The following SMCO2 variants were observed in gnomAD, a reference collection of about 807,000 sequenced individuals.
SMCO2 encodes the protein single-pass membrane and coiled-coil domain-containing protein 2.
A neutral mutation model predicts 29.5 loss-of-function variants in SMCO2; 25 were observed. The observed-to-expected ratio is 0.85, with a 90% CI of 0.62 to 1.18. SMCO2 has a LOEUF of 1.18. Among genes scored for constraint, SMCO2 ranks in the 50% most tolerant of loss-of-function variants. The pLI is 0.00. For missense variants in SMCO2, 348 were observed against 344.5 expected (o/e 1.01, Z -0.08); for synonymous variants, 117 against 123.3 (o/e 0.95, Z 0.34).
At chr12:27,492,346 T>C (rs979812371) in intron 5 of SMCO2, among the ~76,000 whole-genome samples, 1 of 152,212 alleles carries the variant, frequency 6.6e-6, no homozygotes, top group African/African-American at 2.4e-5. Flanking sequence ...TGTTTGCCGT[T>C]ACAAACTATG....
chr12:27,485,450 GTT>G (rs142312125), intron 4 of SMCO2, among the ~76,000 whole-genome samples: 27 of 132,012 alleles, frequency 2.0e-4, no homozygotes, highest in Admixed American at 3.0e-4. Flanking sequence ...ATTTTTTTAA[GTT>G]TTTTTTTTTT....
the SMCO2 span, among the ~76,000 whole-genome samples, chr12:27,457,679 C>T: frequency 2.0e-5 from 3 of 152,226 alleles, no homozygotes; most frequent in African/African-American, 7.2e-5. Flanking sequence ...CATGTCAATG[C>T]TAGACACATC....
chr12:27,434,928 G>T, the SMCO2 span, among the ~76,000 whole-genome samples: 2 of 152,116 alleles, frequency 1.3e-5, no homozygotes, highest in East Asian at 1.9e-4. Context: ...GCCATGGAAG[G>T]TTCCACTCAC....
the SMCO2 span, among the ~76,000 whole-genome samples, chr12:27,436,779 A>G: frequency 6.6e-6 from 1 of 152,214 alleles, no homozygotes; most frequent in African/African-American, 2.4e-5. Context: ...AGGTGGTAAG[A>G]TAGTGCCCCT....
the SMCO2 span, among the ~76,000 whole-genome samples, chr12:27,442,503 G>A: frequency 6.6e-6 from 1 of 152,100 alleles, no homozygotes; most frequent in African/African-American, 2.4e-5. Flanking sequence ...GAACCATGAA[G>A]AAATAGAAAA....
chr12:27,434,393 G>T, the SMCO2 span, among the ~76,000 whole-genome samples: 3 of 152,150 alleles, frequency 2.0e-5, no homozygotes, highest in African/African-American at 7.2e-5. Context: ...ATCTAGACTT[G>T]TTGAGGCTTC....
the SMCO2 span, among the ~76,000 whole-genome samples, chr12:27,427,567 T>C: frequency 6.6e-6 from 1 of 152,148 alleles, no homozygotes; most frequent in Admixed American, 6.5e-5. Flanking sequence ...TTAATTCTGA[T>C]TAAATACATT....
chr12:27,487,952 T>C (rs1949703668), intron 4 of SMCO2, among the ~76,000 whole-genome samples: 1 of 152,000 alleles, frequency 6.6e-6, no homozygotes, highest in African/African-American at 2.4e-5. Context: ...AATGTTGAGC[T>C]TTTTTTGAGA....
At chr12:27,473,027 G>A in intron 3 of SMCO2, 152 bp downstream of exon 3, 1 of 613,780 alleles carries the variant, frequency 1.6e-6, no homozygotes, top group Admixed American at 2.9e-5. Flanking sequence ...TCAGGAGGGA[G>A]GCAGGGAATA....
the SMCO2 span, among the ~76,000 whole-genome samples, chr12:27,435,423 T>A: frequency 4.6e-5 from 7 of 151,362 alleles, no homozygotes; most frequent in African/African-American, 1.5e-4. Flanking sequence ...GAGGTAGTTT[T>A]CCTTTCTTTC....
chr12:27,434,063 TAG>T, the SMCO2 span, among the ~76,000 whole-genome samples: 1 of 152,162 alleles, frequency 6.6e-6, no homozygotes, highest in African/African-American at 2.4e-5. Context: ...GAACAACCAT[TAG>T]AGAGTAACAT....
upstream of SMCO2, among the ~76,000 whole-genome samples, chr12:27,465,353 A>AT (rs907721399): frequency 2.6e-5 from 4 of 152,168 alleles, no homozygotes; most frequent in African/African-American, 9.7e-5. Flanking sequence ...GAATTTTGTG[A>AT]TTTTTCCTAA....
rs137964186 is a variant in SMCO2 at position 27,477,775 on chromosome 12, A to G, written c.362+2862A>G. Among the ~76,000 whole-genome samples, 276 of 151,610 alleles carry G rather than the reference A, an allele frequency of 1.8e-3. 1 individual carries two copies. The highest frequency in any genetic ancestry group is 6.2e-3 in the African/African-American group (258 of 41,332). ...TTCATTCATTGAATTCTTCAGTCTC[A>G]GAATTTCTGTTTGACTCAGATTATG... On this transcript the variant is annotated intron_variant, in intron 4 of 7. Coordinates refer to ENST00000298876, the Ensembl canonical transcript of SMCO2.
Position 27,495,871 on chromosome 12 carries a change from A to G in SMCO2, c.683+16A>G, listed in dbSNP as rs2135578265. The stretch of plus-strand genomic sequence containing the variant: ...ATACAGCATGGTAAGTCAGAGCAAG[A>G]GGCCATTCAGGGCTGGATGACTGCC... On this transcript the variant is annotated intron_variant, in intron 7 of 7. Transcript: ENST00000298876. The G allele has an allele frequency of 6.9e-7, 1 of 1,441,158 alleles. No homozygotes were observed. The highest frequency in any genetic ancestry group is 2.1e-5 in the Admixed American group (1 of 47,592). 89.3% of individuals were successfully genotyped at this position (1,441,158 alleles called of 1,614,324 possible). A position where few individuals can be genotyped will look rare whatever the true frequency, so the allele number is the denominator to read the frequency against.
At chr12:27,476,938 A>G (rs954009254) in intron 4 of SMCO2, among the ~76,000 whole-genome samples, 6 of 151,214 alleles carry the variant, frequency 4.0e-5, no homozygotes, top group Non-Finnish European at 7.4e-5. Context: ...TTTCTCTCTT[A>G]TTGTTTATAA....
In SMCO2 at chr12:27,486,619, G is replaced by T. The variant is rs141703291; in HGVS notation, c.363-1841G>T. The stretch of plus-strand genomic sequence containing the variant: ...ATTCTAATTTTTAATGGATTTCCTT[G>T]TCTGCCTGCAAATCCACATTACATT... On this transcript the variant is annotated intron_variant, in intron 4 of 7. Transcript: ENST00000298876. 1.4e-3 allele frequency among the ~76,000 whole-genome samples: 216 copies of T among 152,270 alleles called. 6 individuals are homozygous for T. In the East Asian group the frequency reaches 0.038, roughly 27 times the overall value.
At chr12:27,483,442 C>G (rs1949662429) in intron 4 of SMCO2, among the ~76,000 whole-genome samples, 1 of 151,840 alleles carries the variant, frequency 6.6e-6, no homozygotes, top group Non-Finnish European at 1.5e-5. Flanking sequence ...TTTTTCGAGA[C>G]AGTCTTGCTC....
chr12:27,462,408 G>A (rs996784772), upstream of SMCO2, among the ~76,000 whole-genome samples: 80 of 152,254 alleles, frequency 5.3e-4, no homozygotes, highest in African/African-American at 1.8e-3. Flanking sequence ...TAACGGGCTA[G>A]AAGCCAGGGA....
chr12:27,446,733 TC>T, the SMCO2 span: 1 of 152,172 alleles, frequency 6.6e-6, no homozygotes, highest in Admixed American at 6.5e-5. Flanking sequence ...CTCCCTCTAA[TC>T]CAGTGGTTCT....
Sources: allele counts gnomAD v4.1 joint callset (sites outside exome capture counted in the v4.1 genomes callset), GRCh38; gene constraint gnomAD v4.1.1; transcripts MANE v1.5; gene names NCBI Gene and HGNC (gene_info 2026-07-23, HGNC 2026-07-21).